SPTLC1: variants seen among roughly 807,000 people sequenced by gnomAD.
The protein encoded by SPTLC1 is serine palmitoyltransferase long chain base subunit 1.
In SPTLC1, 55 loss-of-function variants were observed where a neutral mutation model predicts 68.9. The observed-to-expected ratio is 0.80, with a 90% CI of 0.64 to 1.00. The LOEUF (loss-of-function observed/expected upper bound fraction) is 1.00. Ranked by LOEUF, SPTLC1 falls within the 50% of genes least tolerant of loss-of-function variation. SPTLC1 has a pLI of 0.00. For missense variants in SPTLC1, 449 were observed against 573.1 expected, an observed-to-expected ratio of 0.78 and a Z score of 2.21; for synonymous variants, 197 against 201.6, an observed-to-expected ratio of 0.98 and a Z score of 0.19.
At position 92,089,806 on chromosome 9, in the gene SPTLC1, A is replaced by C. The variant is rs1010153168; in HGVS notation, c.261-8843T>G. Among the ~76,000 whole-genome samples, 141 of 152,344 alleles carry C rather than the reference A, an allele frequency of 9.3e-4. 1 individual carries two copies. Among genetic ancestry groups the C allele is most frequent in the Admixed American group, 3.0e-3 (46 of 15,308 alleles). On this transcript the variant is annotated intron_variant, in intron 3 of 14. Transcript: ENST00000262554. ...AATAAATTACAAGAAGACACATGAC[A>C]GTGAAACTGTAGAATTTTAGAGAAA...
intron 3 of SPTLC1, among the ~76,000 whole-genome samples, chr9:92,092,003 T>C (rs1191949410): frequency 1.3e-5 from 2 of 152,256 alleles, no homozygotes; most frequent in Middle Eastern, 6.8e-3. Flanking sequence ...AACTAAACAA[T>C]TTAAAAACGA....
intron 6 of SPTLC1, among the ~76,000 whole-genome samples, chr9:92,063,118 C>T (rs540785980): frequency 2.0e-5 from 3 of 152,016 alleles, no homozygotes; most frequent in Non-Finnish European, 4.4e-5. Flanking sequence ...ATTGACAGAC[C>T]TCTAACAAGA....
intron 12 of SPTLC1, among the ~76,000 whole-genome samples, chr9:92,040,691 G>C (rs1833314798): frequency 6.6e-6 from 1 of 151,874 alleles, no homozygotes; most frequent in Non-Finnish European, 1.5e-5. Context: ...CTGGGAAGTG[G>C]AGGTTGCAGT....
chr9:92,087,119 T>C (rs1835173137), intron 3 of SPTLC1, among the ~76,000 whole-genome samples: 1 of 152,242 alleles, frequency 6.6e-6, no homozygotes, highest in East Asian at 1.9e-4. Context: ...CTTCTCTGTA[T>C]TGGTTATTCT....
At chr9:92,050,211 A>C (rs1833660319) in intron 8 of SPTLC1, 144 bp from the exon 9 acceptor site, 1 of 644,086 alleles carries the variant, frequency 1.6e-6, no homozygotes, top group African/African-American at 1.8e-5. Context: ...TACTTATTAA[A>C]ACTTATTTGC....
At chr9:92,072,127 T>C (rs2118627798) in intron 5 of SPTLC1, among the ~76,000 whole-genome samples, 1 of 152,284 alleles carries the variant, frequency 6.6e-6, no homozygotes, top group African/African-American at 2.4e-5. Flanking sequence ...GACGCATGCA[T>C]AACATTCGGT....
At position 92,033,459 on chromosome 9, in the gene SPTLC1, C is replaced by T. The variant is rs1054823946; in HGVS notation, c.1329-901G>A. Among the ~76,000 whole-genome samples the T allele has an allele frequency of 1.1e-4, 17 of 152,240 alleles. 1 individual carries two copies. Among genetic ancestry groups the T allele is most frequent in the African/African-American group, 4.1e-4 (17 of 41,456 alleles). ...TTTGACACATATTTATTGAGCTGTA[C>T]TATGCTGTGCATGGAGTCCTGAGGG... On this transcript the variant is annotated intron_variant, in intron 14 of 14. Coordinates refer to ENST00000262554, the MANE Select transcript of SPTLC1 (RefSeq NM_006415.4).
intron 12 of SPTLC1, among the ~76,000 whole-genome samples, chr9:92,043,012 T>C (rs1833403145): frequency 6.6e-6 from 1 of 152,248 alleles, no homozygotes; most frequent in African/African-American, 2.4e-5. Flanking sequence ...AGCCACCATC[T>C]TGTTTCTTAG....
intron 5 of SPTLC1, among the ~76,000 whole-genome samples, chr9:92,071,462 G>A (rs957054404): frequency 2.6e-5 from 4 of 152,170 alleles, no homozygotes; most frequent in African/African-American, 9.7e-5. Context: ...CTTCTTAAGA[G>A]TATAAGTGAT....
At chr9:92,096,386 T>C (rs1266590019) in intron 3 of SPTLC1, among the ~76,000 whole-genome samples, 1 of 152,030 alleles carries the variant, frequency 6.6e-6, no homozygotes. Flanking sequence ...TGTGTGTGTA[T>C]ATATATATAA....
chr9:92,055,521 T>C, intron 7 of SPTLC1, 27 bp from the exon 8 acceptor site: 1 of 1,609,334 alleles, frequency 6.2e-7, no homozygotes. Context: ...GCAGACATCT[T>C]ACATTTCAGT....
chr9:92,037,690 T>C (rs1480147722), intron 13 of SPTLC1, among the ~76,000 whole-genome samples: 1 of 152,148 alleles, frequency 6.6e-6, no homozygotes. Flanking sequence ...AGACAATTAG[T>C]AGTAAAATAA....
intron 6 of SPTLC1, among the ~76,000 whole-genome samples, chr9:92,060,905 T>A (rs1587931598): frequency 7.5e-6 from 1 of 133,694 alleles, no homozygotes. Context: ...AGAGCGAGAC[T>A]CTGTCTCAAA....
intron 1 of SPTLC1, among the ~76,000 whole-genome samples, chr9:92,114,021 C>G (rs113568654): frequency 0.013 from 2,053 of 152,154 alleles, 55 homozygotes; most frequent in African/African-American, 0.046. Flanking sequence ...TGCCTGTAAT[C>G]CCAGCACTTT....
chr9:92,112,789 T>G (rs1046211198), intron 1 of SPTLC1, among the ~76,000 whole-genome samples: 9 of 152,122 alleles, frequency 5.9e-5, no homozygotes, highest in African/African-American at 1.2e-4. Context: ...TAAAACTTCT[T>G]TGGGAATAAA....
intron 3 of SPTLC1, among the ~76,000 whole-genome samples, chr9:92,086,144 G>A (rs543837654): frequency 0.011 from 1,712 of 151,770 alleles, 30 homozygotes; most frequent in African/African-American, 0.039. Flanking sequence ...GTCTCTGCAC[G>A]TGAGATGGGT....
At chr9:92,091,928 G>A (rs1835375731) in intron 3 of SPTLC1, among the ~76,000 whole-genome samples, 1 of 152,130 alleles carries the variant, frequency 6.6e-6, no homozygotes, top group African/African-American at 2.4e-5. Context: ...CATAATTTTT[G>A]TTAGAGATAA....
intron 7 of SPTLC1, among the ~76,000 whole-genome samples, chr9:92,055,865 A>G (rs1833870405): frequency 6.6e-6 from 1 of 152,218 alleles, no homozygotes; most frequent in African/African-American, 2.4e-5. Flanking sequence ...ACATGGGTAT[A>G]ATCACTGGTC....
intron 13 of SPTLC1, 91 bp from the exon 14 acceptor site, chr9:92,034,974 T>A: frequency 9.9e-7 from 1 of 1,009,046 alleles, no homozygotes; most frequent in South Asian, 1.3e-5. Flanking sequence ...CAACGGTAGC[T>A]TTAATTCACT....
Sources: gnomAD v4.1 joint callset for allele counts (sites outside exome capture counted in the v4.1 genomes callset) on GRCh38, gnomAD v4.1.1 for gene constraint, MANE v1.5 for transcripts, NCBI Gene and HGNC (gene_info 2026-07-23, HGNC 2026-07-21) for gene names.